PHF21B: variants seen among roughly 807,000 people sequenced by gnomAD.
The protein encoded by PHF21B is PHD finger protein 21B, also known as PHD finger protein 4.
A neutral mutation model predicts 62.2 loss-of-function variants in PHF21B; 22 were observed. The ratio of observed to expected loss-of-function variants is 0.35; its 90% CI spans 0.25 to 0.51. PHF21B has a LOEUF of 0.51. Among genes scored for constraint, PHF21B ranks in the 20% least tolerant of loss-of-function variants. PHF21B has a pLI of 0.97. For synonymous variants in PHF21B, 341 were observed against 314.7 expected, an observed-to-expected ratio of 1.08 and a Z score of -0.88; for missense variants, 701 against 707.9, an observed-to-expected ratio of 0.99 and a Z score of 0.11.
rs1260479336 is a variant in PHF21B at position 44,916,424 on chromosome 22, G to A, written c.420C>T (p.Ala140=). ...PQALAEPAAL[A]SPLSSAGVAY... is the part of the protein sequence containing the mutation. ...CCACCCCCGCACTGCTCAGCGGAGA[G>A]GCGAGGGCGGCGGGCTCGGCGAGGG... The change falls in exon 4 of 13, where the codon GCC becomes GCT. Residue 140 remains alanine (A), a synonymous_variant. Coordinates refer to ENST00000313237, the MANE Select transcript of PHF21B (RefSeq NM_138415.5). The A allele has an allele frequency of 6.3e-7, 1 of 1,597,860 alleles. No individual in the cohort carries two copies. The highest frequency in any genetic ancestry group is 1.3e-5 in the African/African-American group (1 of 74,706).
At chr22:44,934,372 A>G (rs2071803698) in intron 2 of PHF21B, among the ~76,000 whole-genome samples, 1 of 152,206 alleles carries the variant, frequency 6.6e-6, no homozygotes, top group African/African-American at 2.4e-5. Context: ...TCATCACAAC[A>G]AACATGAATG....
intron 2 of PHF21B, among the ~76,000 whole-genome samples, chr22:44,970,197 T>G (rs1026521993): frequency 1.3e-5 from 2 of 152,324 alleles, no homozygotes; most frequent in Non-Finnish European, 2.9e-5. Context: ...GAAGAAAGAT[T>G]AAAAGCGTCC....
At chr22:44,967,115 G>A (rs1351319360) in intron 2 of PHF21B, 2 of 152,328 alleles carry the variant, frequency 1.3e-5, no homozygotes, top group Non-Finnish European at 2.9e-5. Context: ...AGTCCCCTGA[G>A]GTGGGGGCTG....
At chr22:44,927,019 T>C (rs1432318779) in intron 2 of PHF21B, among the ~76,000 whole-genome samples, 7 of 152,082 alleles carry the variant, frequency 4.6e-5, no homozygotes, top group Non-Finnish European at 1.0e-4. Flanking sequence ...CGCTCCCTCC[T>C]GACTTGGGAC....
At chr22:44,962,883 A>G (rs2072452404) in intron 2 of PHF21B, among the ~76,000 whole-genome samples, 2 of 152,188 alleles carry the variant, frequency 1.3e-5, no homozygotes, top group South Asian at 2.1e-4. Context: ...AGAACACCTC[A>G]TAGCACCAGG....
chr22:44,898,832 C>T (rs543100561), intron 5 of PHF21B, among the ~76,000 whole-genome samples: 4 of 152,224 alleles, frequency 2.6e-5, no homozygotes, highest in East Asian at 1.9e-4. Context: ...GTGTGAAGTC[C>T]GGGCTCACTG....
chr22:44,976,746 C>T (rs1446868251), intron 2 of PHF21B, among the ~76,000 whole-genome samples: 1 of 152,234 alleles, frequency 6.6e-6, no homozygotes, highest in Non-Finnish European at 1.5e-5. Flanking sequence ...TAAAAACATA[C>T]AGATGTTTTA....
intron 12 of PHF21B, among the ~76,000 whole-genome samples, chr22:44,884,095 CCAT>C (rs1281378551): frequency 6.8e-6 from 1 of 147,994 alleles, no homozygotes; most frequent in African/African-American, 2.5e-5. Flanking sequence ...ACCGCCACCA[CCAT>C]CACTGTGATC....
chr22:44,933,472 C>T (rs1307126501), intron 2 of PHF21B: 2 of 985,390 alleles, frequency 2.0e-6, no homozygotes, highest in African/African-American at 1.7e-5. Flanking sequence ...TGCACACCTA[C>T]CCCGTGCTGG....
Position 44,959,009 on chromosome 22 carries a change from G to A in PHF21B, c.121-38519C>T, listed in dbSNP as rs573346073. The stretch of plus-strand genomic sequence containing the variant: ...TCCTGCTGGTTCCATGGCCGGCCCC[G>A]CTGGAGCGCCTGTTCTGATTCAGAT... On this transcript the variant is annotated intron_variant, in intron 2 of 12. Coordinates refer to ENST00000313237, the MANE Select transcript of PHF21B (RefSeq NM_138415.5). Among the ~76,000 whole-genome samples, 3 of 152,042 alleles carry A rather than the reference G, an allele frequency of 2.0e-5. No homozygotes were observed. In the South Asian group the frequency reaches 6.3e-4, roughly 32 times the overall value.
chr22:44,908,424 G>A (rs1256711207), intron 5 of PHF21B, among the ~76,000 whole-genome samples: 1 of 152,134 alleles, frequency 6.6e-6, no homozygotes, highest in Non-Finnish European at 1.5e-5. Context: ...TATGGGGTCT[G>A]AGAGCTACTG....
At chr22:44,943,483 T>A (rs2072001653) in intron 2 of PHF21B, among the ~76,000 whole-genome samples, 1 of 152,092 alleles carries the variant, frequency 6.6e-6, no homozygotes, top group Admixed American at 6.5e-5. Context: ...GCCCCACTAG[T>A]GCTGGGGGCG....
chr22:44,955,653 A>G (rs1284983914), intron 2 of PHF21B, among the ~76,000 whole-genome samples: 3 of 152,152 alleles, frequency 2.0e-5, no homozygotes, highest in African/African-American at 7.2e-5. Flanking sequence ...CCAGGCCTTC[A>G]GACTCTGGGA....
intron 7 of PHF21B, 103 bp downstream of exon 7, chr22:44,893,354 G>T: frequency 1.8e-6 from 2 of 1,084,926 alleles, no homozygotes; most frequent in Non-Finnish European, 2.7e-6. Context: ...AGACGAGGGG[G>T]GTGCTTAGGA....
At chr22:44,884,065 CCAT>C (rs1569203888) in intron 12 of PHF21B, among the ~76,000 whole-genome samples, 14 of 146,156 alleles carry the variant, frequency 9.6e-5, no homozygotes, top group African/African-American at 3.4e-4. Context: ...ATCACCACCA[CCAT>C]GATCACCATT....
At chr22:44,948,347 G>A (rs1044960220) in intron 2 of PHF21B, among the ~76,000 whole-genome samples, 9 of 152,092 alleles carry the variant, frequency 5.9e-5, no homozygotes, top group Non-Finnish European at 1.0e-4. Flanking sequence ...CTTATGTCCA[G>A]TCTACTCCAT....
chr22:44,895,404 T>C (rs1379759098), intron 6 of PHF21B, among the ~76,000 whole-genome samples: 1 of 152,170 alleles, frequency 6.6e-6, no homozygotes, highest in Admixed American at 6.5e-5. Flanking sequence ...AGCCCCTTCG[T>C]AGAGTCACAG....
intron 2 of PHF21B, among the ~76,000 whole-genome samples, chr22:44,961,570 G>A (rs1376340249): frequency 6.6e-6 from 1 of 152,058 alleles, no homozygotes; most frequent in Non-Finnish European, 1.5e-5. Flanking sequence ...GCTGGGCGTG[G>A]TGGCTCATGC....
chr22:44,993,092 G>A (rs932633552), intron 2 of PHF21B, among the ~76,000 whole-genome samples: 4 of 152,192 alleles, frequency 2.6e-5, no homozygotes, highest in African/African-American at 9.7e-5. Context: ...GGTACAGGGA[G>A]AAGCCACGTG....
Sources: gnomAD v4.1 joint callset for allele counts (sites outside exome capture counted in the v4.1 genomes callset) on GRCh38, gnomAD v4.1.1 for gene constraint, MANE v1.5 for transcripts, NCBI Gene and HGNC (gene_info 2026-07-23, HGNC 2026-07-21) for gene names.